Variants in PAPPA2 observed in about 807,000 individuals in gnomAD.
PAPPA2 encodes the protein pappalysin-2.
PAPPA2 carries 86 observed loss-of-function variants against 176.4 expected under a neutral mutation model. The observed-to-expected ratio is 0.49, with a 90% CI of 0.41 to 0.58. The LOEUF (loss-of-function observed/expected upper bound fraction) is 0.58, where lower values mean the gene tolerates loss of function less well. PAPPA2 is among the 20% of genes least tolerant of loss of function. The probability of loss-of-function intolerance (pLI) is 0.00; values close to 1 mark genes in which losing one functional copy is unlikely to be tolerated. For missense variants in PAPPA2, 2,073 were observed against 2,256.9 expected, an observed-to-expected ratio of 0.92 and a Z score of 1.65; for synonymous variants, 809 against 852.2, an observed-to-expected ratio of 0.95 and a Z score of 0.88.
intron 8 of PAPPA2, 117 bp from the exon 9 acceptor site, chr1:176,702,490 T>C: frequency 7.0e-7 from 1 of 1,432,568 alleles, no homozygotes; most frequent in East Asian, 2.4e-5. Context: ...GCAGCGTATG[T>C]TTAACCTTTA....
intron 12 of PAPPA2, among the ~76,000 whole-genome samples, chr1:176,726,547 T>G (rs1253144672): frequency 6.6e-6 from 1 of 152,224 alleles, no homozygotes; most frequent in Non-Finnish European, 1.5e-5. Context: ...GGTAAATAAG[T>G]AGGACTGTAC....
intron 21 of PAPPA2, among the ~76,000 whole-genome samples, chr1:176,804,591 C>G (rs1222506702): frequency 6.6e-6 from 1 of 152,138 alleles, no homozygotes; most frequent in African/African-American, 2.4e-5. Context: ...ACCCACCACC[C>G]ACCCTCAACC....
Position 176,800,054 on chromosome 1 carries a change from C to T in PAPPA2, c.5131-7C>T. 6.2e-7 allele frequency: 1 copy of T among 1,613,904 alleles called. No individual in the cohort carries two copies. Among genetic ancestry groups the T allele is most frequent in the Non-Finnish European group, 8.5e-7 (1 of 1,179,858 alleles). ...TTGTTTTCTGTTTTTCCCGTCTTTC[C>T]CCTTAGAGCATTGTGTGCACTGGCC... On this transcript the variant is annotated splice_region_variant and splice_polypyrimidine_tract_variant and intron_variant, in intron 20 of 22. Transcript: ENST00000367662.
intron 12 of PAPPA2, among the ~76,000 whole-genome samples, chr1:176,722,432 T>TG: frequency 6.6e-6 from 1 of 150,752 alleles, no homozygotes; most frequent in East Asian, 1.9e-4. Context: ...TTTTTTTTTT[T>TG]TTTTTTTAGT....
At position 176,556,192 on chromosome 1, in the gene PAPPA2, T is replaced by C; in HGVS notation, c.-131T>C. The C allele has an allele frequency of 9.1e-7, 1 of 1,100,638 alleles. No homozygotes were observed. Among genetic ancestry groups the C allele is most frequent in the Non-Finnish European group, 1.3e-6 (1 of 769,592 alleles). 68.2% of individuals were successfully genotyped at this position (1,100,638 alleles called of 1,614,324 possible). On this transcript the variant is annotated 5_prime_UTR_variant, in exon 2 of 23. Transcript: ENST00000367662. Reference sequence around the variant, plus strand: ...ATTCTTGGGGCTATTTGAAAAAGTTTGGTCTGTGAACAAAACAGTTTCCCT... The same window carrying C: ...ATTCTTGGGGCTATTTGAAAAAGTTCGGTCTGTGAACAAAACAGTTTCCCT...
intron 1 of PAPPA2, among the ~76,000 whole-genome samples, chr1:176,468,160 A>G (rs550691723): frequency 2.0e-5 from 3 of 152,320 alleles, no homozygotes; most frequent in African/African-American, 7.2e-5. Context: ...TAAGCACCAG[A>G]GAGGAAGGTG....
chr1:176,467,076 C>A (rs1235940725), intron 1 of PAPPA2, among the ~76,000 whole-genome samples: 1 of 152,092 alleles, frequency 6.6e-6, no homozygotes, highest in Non-Finnish European at 1.5e-5. Context: ...TTACACAAAC[C>A]TACACTGTAT....
Position 176,524,869 on chromosome 1 carries a change from C to T in PAPPA2, c.-916-30538C>T, listed in dbSNP as rs141289532. 5.2e-3 allele frequency among the ~76,000 whole-genome samples: 786 copies of T among 151,664 alleles called. 7 individuals are homozygous for T. Among genetic ancestry groups the T allele is most frequent in the Non-Finnish European group, 7.2e-3 (492 of 67,890 alleles). The stretch of plus-strand genomic sequence containing the variant: ...AAACCCCGTCTCTACTAAAAAAATA[C>T]AAAAAAAACAAAATAAAATAAAATT... On this transcript the variant is annotated intron_variant, in intron 1 of 22. Transcript: ENST00000367662.
intron 17 of PAPPA2, among the ~76,000 whole-genome samples, chr1:176,773,924 C>T (rs1664339928): frequency 2.6e-5 from 4 of 152,076 alleles, no homozygotes; most frequent in South Asian, 2.1e-4. Context: ...AGGGATGGCA[C>T]GGATGGCATA....
chr1:176,834,017 A>G (rs1401370077), intron 21 of PAPPA2, among the ~76,000 whole-genome samples: 1 of 152,188 alleles, frequency 6.6e-6, no homozygotes, highest in Non-Finnish European at 1.5e-5. Context: ...GGAATAATGA[A>G]AAGGAAGGAT....
chr1:176,811,072 A>C (rs1666127914), intron 21 of PAPPA2, among the ~76,000 whole-genome samples: 1 of 152,196 alleles, frequency 6.6e-6, no homozygotes, highest in African/African-American at 2.4e-5. Flanking sequence ...ATTCTTAATA[A>C]ATGTCAAGGC....
chr1:176,763,009 A>G (rs892947931), intron 14 of PAPPA2, among the ~76,000 whole-genome samples: 1 of 152,228 alleles, frequency 6.6e-6, no homozygotes, highest in Non-Finnish European at 1.5e-5. Flanking sequence ...CAAGGGCATA[A>G]GAGCAGGGTC....
chr1:176,731,646 T>C (rs1052490922), intron 12 of PAPPA2, among the ~76,000 whole-genome samples: 1 of 151,860 alleles, frequency 6.6e-6, no homozygotes, highest in Non-Finnish European at 1.5e-5. Flanking sequence ...TATATGTGTA[T>C]ATATACATAT....
intron 3 of PAPPA2, among the ~76,000 whole-genome samples, chr1:176,664,895 C>A (rs1055254217): frequency 2.6e-5 from 4 of 152,100 alleles, no homozygotes; most frequent in Non-Finnish European, 4.4e-5. Context: ...TATGTCTGGT[C>A]TCTTGTGTGG....
chr1:176,543,821 A>G (rs201725216), intron 1 of PAPPA2, among the ~76,000 whole-genome samples: 1 of 152,154 alleles, frequency 6.6e-6, no homozygotes, highest in Admixed American at 6.5e-5. Context: ...TTTCTTTCCA[A>G]TGACGTGTGA....
At chr1:176,682,075 A>G (rs1228873276) in intron 4 of PAPPA2, among the ~76,000 whole-genome samples, 3 of 152,214 alleles carry the variant, frequency 2.0e-5, no homozygotes, top group Admixed American at 2.0e-4. Flanking sequence ...GCTTTCTTTC[A>G]ACCAAACAGT....
At position 176,797,967 on chromosome 1, in the gene PAPPA2, C is replaced by T. The variant is rs1324678612; in HGVS notation, c.5131-2094C>T. The stretch of plus-strand genomic sequence containing the variant: ...TGGCTGGCAAATGCTTGTAAAATTT[C>T]GTCTTTCCATAAGTCACTGAGGTAA... On this transcript the variant is annotated intron_variant, in intron 20 of 22. Transcript: ENST00000367662. Among the ~76,000 whole-genome samples, 6 of 152,142 alleles carry T rather than the reference C, an allele frequency of 3.9e-5. No homozygotes were observed. In the East Asian group the frequency reaches 5.8e-4, roughly 15 times the overall value.
chr1:176,765,758 G>C lies in PAPPA2; in HGVS notation c.4244G>C (p.Gly1415Ala). Residue 1415 changes from glycine (G) to alanine (A), a missense_variant, in exon 15 of 23, where the codon GGT (glycine) becomes GCT (alanine). Gly to Ala is a moderately conservative substitution (Grantham distance 60). Transcript: ENST00000367662. Reference sequence around the variant, plus strand: ...GTGAACTGTACCTCTATAGGCCCAGGTCTCATGAAGTGTGCTATCACTTGT... The same window carrying C: ...GTGAACTGTACCTCTATAGGCCCAGCTCTCATGAAGTGTGCTATCACTTGT... ...DVVNCTSIGPGLMKCAITCQR... is the reference protein window; with the variant it reads ...DVVNCTSIGPALMKCAITCQR... 2 of 1,614,070 alleles carry C rather than the reference G, an allele frequency of 1.2e-6. No individual in the cohort carries two copies. The highest frequency in any genetic ancestry group is 1.7e-6 in the Non-Finnish European group (2 of 1,180,022).
chr1:176,823,538 A>G (rs1401823947), intron 21 of PAPPA2, among the ~76,000 whole-genome samples: 2 of 152,234 alleles, frequency 1.3e-5, no homozygotes, highest in Non-Finnish European at 2.9e-5. Flanking sequence ...CTAAAATTGC[A>G]GTGATTTACC....
Sources: allele counts gnomAD v4.1 joint callset (sites outside exome capture counted in the v4.1 genomes callset), GRCh38; gene constraint gnomAD v4.1.1; transcripts MANE v1.5; gene names NCBI Gene and HGNC (gene_info 2026-07-23, HGNC 2026-07-21).